RPL15: variants seen among roughly 807,000 people sequenced by gnomAD.
The protein encoded by RPL15 is large ribosomal subunit protein eL15.
For missense variants in RPL15, 161 were observed against 271.8 expected (o/e 0.59, Z 2.87); for synonymous variants, 97 against 95.1 (o/e 1.02, Z -0.12).
downstream of RPL15, chr3:23,923,329 TCCTG>T (rs1304883063): frequency 6.6e-6 from 1 of 151,922 alleles, no homozygotes; most frequent in East Asian, 1.9e-4. Flanking sequence ...CAAGCGATTC[TCCTG>T]CCTCAGCCTC....
downstream of RPL15, among the ~76,000 whole-genome samples, chr3:23,921,298 C>T (rs927969871): frequency 9.2e-5 from 14 of 152,276 alleles, no homozygotes; most frequent in South Asian, 2.1e-4. Flanking sequence ...ATGGCACTCC[C>T]GTGCAAAAAA....
upstream of RPL15, chr3:23,916,689 C>G (rs1027765357): frequency 1.3e-5 from 2 of 152,432 alleles, no homozygotes; most frequent in African/African-American, 2.4e-5. Context: ...GATTTCTGCG[C>G]CCGTCGTGCG....
chr3:23,921,584 T>G (rs767397086), downstream of RPL15: 262 of 679,358 alleles, frequency 3.9e-4, 2 homozygotes, highest in African/African-American at 4.1e-3. Flanking sequence ...TTTTTTTTTT[T>G]TTTTTTTTTC....
intron 3 of RPL15, chr3:23,918,837 C>T (rs1704879527): frequency 3.8e-6 from 2 of 531,774 alleles, no homozygotes; most frequent in Non-Finnish European, 6.6e-6. Flanking sequence ...GTGGCCTGCA[C>T]AGCCTAAAAT....
chr3:23,918,147 A>C, intron 2 of RPL15, 116 bp downstream of exon 2: 3 of 1,323,988 alleles, frequency 2.3e-6, no homozygotes, highest in South Asian at 1.5e-5. Context: ...GCTTTGGCAG[A>C]AAAAAGCTAG....
chr3:23,918,146 G>T (rs1297749134), intron 2 of RPL15, 115 bp downstream of exon 2: 1 of 1,329,228 alleles, frequency 7.5e-7, no homozygotes, highest in Non-Finnish European at 1.0e-6. Flanking sequence ...GGCTTTGGCA[G>T]AAAAAAGCTA....
downstream of RPL15, chr3:23,921,850 C>A: frequency 2.0e-6 from 1 of 512,204 alleles, no homozygotes; most frequent in Non-Finnish European, 3.4e-6. Flanking sequence ...GCTGGGATTA[C>A]AGGCGTGAGC....
chr3:23,917,048 C>T (rs925470694), upstream of RPL15: 1 of 152,618 alleles, frequency 6.6e-6, no homozygotes, highest in Non-Finnish European at 1.5e-5. Flanking sequence ...GCCGGAACTA[C>T]ATGTCCCATG....
chr3:23,919,864 T>A lies in RPL15; in HGVS notation c.*363T>A. ...AGCTTTATCGGAGTGATGGCAATGC[T>A]CTGCTGGTTTATTTTCAAGTGGCTG... On this transcript the variant is annotated 3_prime_UTR_variant, in exon 4 of 4. Transcript: ENST00000307839. 9.9e-7 allele frequency: 1 copy of A among 1,005,332 alleles called. No homozygotes were observed. Among genetic ancestry groups the A allele is most frequent in the Non-Finnish European group, 1.2e-6 (1 of 843,296 alleles). The allele number at this position is 1,005,332 out of a possible 1,614,324, so 62.3% of individuals were successfully genotyped here.
chr3:23,921,570 G>GTTGTGTT, downstream of RPL15: 1 of 508,322 alleles, frequency 2.0e-6, no homozygotes. Flanking sequence ...TGATTATTGA[G>GTTGTGTT]TTTTTTTTTT....
intron 3 of RPL15, 40 bp downstream of exon 3, chr3:23,918,616 G>T: frequency 6.3e-7 from 1 of 1,597,246 alleles, no homozygotes; most frequent in South Asian, 1.1e-5. Flanking sequence ...AATACTGCCT[G>T]GGGATGGTGG....
chr3:23,922,767 C>T (rs1200875371), downstream of RPL15: 1 of 152,148 alleles, frequency 6.6e-6, no homozygotes, highest in Admixed American at 6.5e-5. This position sits in a 1 kb window ranked among gnomAD's most constrained non-coding sequence, Gnocchi z 4.2. Flanking sequence ...AACCCTTCTG[C>T]CTCCTAGTTC....
At chr3:23,918,780 T>G in intron 3 of RPL15, 2 of 642,246 alleles carry the variant, frequency 3.1e-6, no homozygotes, top group Non-Finnish European at 5.2e-6. Flanking sequence ...GAAGTACTTG[T>G]GGAACCTAAG....
chr3:23,920,741 T>C lies in RPL15; in HGVS notation c.*1240T>C, dbSNP rs987958659. On this transcript the variant is annotated 3_prime_UTR_variant, in exon 4 of 4. Transcript: ENST00000307839. ...CTCATAGCAAGTTCATAAAAGTTCTTGAGACCTAAATTTCTTCACAAAAAA... is the reference window on the plus strand; with the variant it reads ...CTCATAGCAAGTTCATAAAAGTTCTCGAGACCTAAATTTCTTCACAAAAAA... 32 of 979,356 alleles carry C rather than the reference T, an allele frequency of 3.3e-5. No homozygotes were observed. Among genetic ancestry groups the C allele is most frequent in the Non-Finnish European group, 3.6e-5 (30 of 824,502 alleles). The allele number at this position is 979,356 out of a possible 1,614,324, so 60.7% of individuals were successfully genotyped here.
intron 2 of RPL15, 193 bp downstream of exon 2, chr3:23,918,224 G>A (rs977510914): frequency 1.1e-6 from 1 of 927,506 alleles, no homozygotes; most frequent in Non-Finnish European, 1.6e-6. Flanking sequence ...TTACAAATCT[G>A]AATGAGTTCA....
In RPL15 at chr3:23,918,543, A is replaced by G. The variant is rs1413733300; in HGVS notation, c.276A>G (p.Leu92=). The part of the protein sequence containing the change: ...GKPVHHGVNQ[L]KFARSLQSVA... ...CTGTCCATCATGGTGTTAACCAGCTAAAGTTTGCTCGAAGCCTTCAGTCCG... is the reference window on the plus strand; with the variant it reads ...CTGTCCATCATGGTGTTAACCAGCTGAAGTTTGCTCGAAGCCTTCAGTCCG... The change falls in exon 3 of 4, where the codon CTA becomes CTG. Residue 92 remains leucine, a synonymous_variant. Coordinates refer to ENST00000307839, the MANE Select transcript of RPL15 (RefSeq NM_002948.5). 1.9e-6 allele frequency: 3 copies of G among 1,614,028 alleles called. No individual in the cohort carries two copies. Among genetic ancestry groups the G allele is most frequent in the East Asian group, 2.2e-5 (1 of 44,886 alleles).
intron 3 of RPL15, 113 bp from the exon 4 acceptor site, chr3:23,919,080 TGAG>T (rs1189659400): frequency 1.4e-6 from 1 of 693,116 alleles, no homozygotes; most frequent in Non-Finnish European, 2.5e-6. Flanking sequence ...GTAAATAACT[TGAG>T]TAGTAAAAGA....
Position 23,919,870 on chromosome 3 carries a change from G to A in RPL15, c.*369G>A, listed in dbSNP as rs1168727240. ...ATCGGAGTGATGGCAATGCTCTGCTGGTTTATTTTCAAGTGGCTGCGTTTT... is the reference window on the plus strand; with the variant it reads ...ATCGGAGTGATGGCAATGCTCTGCTAGTTTATTTTCAAGTGGCTGCGTTTT... On this transcript the variant is annotated 3_prime_UTR_variant, in exon 4 of 4. Transcript: ENST00000307839. 1 of 1,002,260 alleles carries A rather than the reference G, an allele frequency of 1.0e-6. No homozygotes were observed. Among genetic ancestry groups the A allele is most frequent in the South Asian group, 4.6e-5 (1 of 21,708 alleles). The allele number at this position is 1,002,260 out of a possible 1,614,324, so 62.1% of individuals were successfully genotyped here. A position where few individuals can be genotyped will look rare whatever the true frequency, so the allele number is the denominator to read the frequency against.
downstream of RPL15, chr3:23,921,624 G>A (rs1454063478): frequency 2.9e-6 from 2 of 684,502 alleles, no homozygotes; most frequent in Non-Finnish European, 5.3e-6. Flanking sequence ...ACTCAGGTGG[G>A]AGTGCAGTGG....
Sources: allele counts gnomAD v4.1 joint callset (sites outside exome capture counted in the v4.1 genomes callset), GRCh38; gene constraint gnomAD v4.1.1; non-coding constraint Gnocchi (gnomAD v3.1); transcripts MANE v1.5; gene names NCBI Gene and HGNC (gene_info 2026-07-23, HGNC 2026-07-21).